Variants in ZNF43 observed in about 807,000 individuals in gnomAD.
ZNF43 encodes zinc finger protein 43.
Under a neutral mutation model 68.4 loss-of-function variants are expected in ZNF43, and 44 were observed. That is an observed-to-expected ratio of 0.64 (90% confidence interval 0.51 to 0.83). The LOEUF (loss-of-function observed/expected upper bound fraction) is 0.83, where lower values mean the gene tolerates loss of function less well. Among genes scored for constraint, ZNF43 ranks in the 40% least tolerant of loss-of-function variants. ZNF43 has a pLI of 0.00. For synonymous variants in ZNF43, 308 were observed against 307.8 expected (o/e 1.00, Z -0.01); for missense variants, 896 against 933.2 (o/e 0.96, Z 0.52).
intron 1 of ZNF43, 141 bp downstream of exon 1, chr19:21,835,895 C>A (rs1410595202): frequency 8.3e-6 from 12 of 1,437,654 alleles, no homozygotes; most frequent in Non-Finnish European, 1.1e-5. Flanking sequence ...CCCAGAGCAG[C>A]CGCCATCTTA....
intron 1 of ZNF43, among the ~76,000 whole-genome samples, chr19:21,834,401 TACAA>T (rs2038586205): frequency 6.6e-6 from 1 of 151,864 alleles, no homozygotes; most frequent in African/African-American, 2.4e-5. Flanking sequence ...TTTTATTTTT[TACAA>T]ACAGTGTAAG....
rs553964871 is a variant in ZNF43 at position 21,831,353 on chromosome 19, T to A, written c.3+4683A>T. 2.0e-5 allele frequency among the ~76,000 whole-genome samples: 3 copies of A among 152,262 alleles called. No individual in the cohort carries two copies. The East Asian group carries it at 5.8e-4, about 29-fold the overall frequency. On this transcript the variant is annotated intron_variant, in intron 1 of 3. Transcript: ENST00000354959. The stretch of plus-strand genomic sequence containing the variant: ...CCTATAGCCTCAGCAGAAAATTTTT[T>A]TTTTTTAATTTTTATTTTATTTTTT...
intron 1 of ZNF43, among the ~76,000 whole-genome samples, chr19:21,820,092 A>G (rs2037723671): frequency 6.6e-6 from 1 of 151,524 alleles, no homozygotes; most frequent in Non-Finnish European, 1.5e-5. Flanking sequence ...CCAGTTACTC[A>G]AGGGGCTGAG....
chr19:21,848,113 G>T (rs749993773), intron 1 of ZNF43, among the ~76,000 whole-genome samples: 19 of 151,644 alleles, frequency 1.3e-4, no homozygotes, highest in Non-Finnish European at 8.8e-5. Flanking sequence ...AGGCCACTGT[G>T]CCCGGCCTTA....
At chr19:21,844,921 A>AATATATATATATATATAT (rs1181354510) in intron 1 of ZNF43, among the ~76,000 whole-genome samples, 18 of 26,042 alleles carry the variant, frequency 6.9e-4, no homozygotes, top group African/African-American at 1.5e-3. Flanking sequence ...AAAAAAAAAA[A>AATATATATATATATATAT]ATATATATAT....
rs1331737139 is a variant in ZNF43, at chr19:21,836,175, CCAGAGA to C, written c.-143_-138del. The C allele has an allele frequency of 1.9e-6, 3 of 1,540,298 alleles. No homozygotes were observed. Among genetic ancestry groups the C allele is most frequent in the African/African-American group, 2.7e-5 (2 of 73,162 alleles). Reference sequence around the variant, plus strand: ...ACGAGACGCAGAGCTCCAACTGCAGCCAGAGACAAAGGCCCCGCCACATCCCGGAAG... The same window carrying C: ...ACGAGACGCAGAGCTCCAACTGCAGCCAAAGGCCCCGCCACATCCCGGAAG... On this transcript the variant is annotated 5_prime_UTR_variant, in exon 1 of 4. Coordinates refer to ENST00000354959, the MANE Select transcript of ZNF43 (RefSeq NM_003423.4).
intron 3 of ZNF43, among the ~76,000 whole-genome samples, chr19:21,814,218 C>T (rs2037412374): frequency 6.6e-6 from 1 of 151,836 alleles, no homozygotes; most frequent in Admixed American, 6.6e-5. Context: ...AGAAAATATA[C>T]ATTCATCATT....
chr19:21,838,655 C>T (rs1170469234), upstream of ZNF43, among the ~76,000 whole-genome samples: 5 of 152,162 alleles, frequency 3.3e-5, no homozygotes, highest in African/African-American at 9.7e-5. Flanking sequence ...CCGCCTTGGC[C>T]TCCCAACGTG....
intron 1 of ZNF43, among the ~76,000 whole-genome samples, chr19:21,828,731 T>G (rs553863320): frequency 3.6e-5 from 5 of 137,702 alleles, no homozygotes; most frequent in Non-Finnish European, 7.9e-5. Context: ...AAAAGTAAAT[T>G]TAAGGAAAAA....
chr19:21,831,114 T>C (rs2038404640), intron 1 of ZNF43, among the ~76,000 whole-genome samples: 1 of 152,142 alleles, frequency 6.6e-6, no homozygotes. Context: ...AATAATGAGT[T>C]ATCTGTCACA....
intron 1 of ZNF43, among the ~76,000 whole-genome samples, chr19:21,849,045 T>G (rs530095896): frequency 6.6e-6 from 1 of 152,288 alleles, no homozygotes; most frequent in South Asian, 2.1e-4. Context: ...TGCATGAGAT[T>G]CAGGACCTCA....
At position 21,806,606 on chromosome 19, in the gene ZNF43, G is replaced by C. The variant is rs1206034956; in HGVS notation, c.*1001C>G. On this transcript the variant is annotated 3_prime_UTR_variant, in exon 4 of 4. Transcript: ENST00000354959. ...TGTGAATATAGCAGGAATGAAAAAA[G>C]AGCATAAAGTTATTTGAGAGTTTAA... 1.3e-5 allele frequency: 2 copies of C among 152,096 alleles called. No homozygotes were observed. Among genetic ancestry groups the C allele is most frequent in the Non-Finnish European group, 2.9e-5 (2 of 68,000 alleles). 9.4% of individuals were successfully genotyped at this position (152,096 alleles called of 1,614,324 possible).
At chr19:21,849,109 G>C (rs1192483151) in intron 1 of ZNF43, among the ~76,000 whole-genome samples, 1 of 152,080 alleles carries the variant, frequency 6.6e-6, no homozygotes. Context: ...TGGTGGGGTG[G>C]GCAAAGAAGA....
At chr19:21,822,262 G>A (rs1182552537) in intron 1 of ZNF43, among the ~76,000 whole-genome samples, 3 of 152,278 alleles carry the variant, frequency 2.0e-5, no homozygotes, top group East Asian at 1.9e-4. Context: ...AACCCAAACA[G>A]AACAGGCCCT....
At chr19:21,825,266 A>AT (rs914091604) in intron 1 of ZNF43, among the ~76,000 whole-genome samples, 1 of 152,088 alleles carries the variant, frequency 6.6e-6, no homozygotes, top group African/African-American at 2.4e-5. Flanking sequence ...CAAAAAAAAA[A>AT]GTTGTCAGGA....
chr19:21,846,148 AG>A (rs1967938510), intron 1 of ZNF43, among the ~76,000 whole-genome samples: 1 of 152,204 alleles, frequency 6.6e-6, no homozygotes, highest in Admixed American at 6.5e-5. Flanking sequence ...CTCAGGAAGA[AG>A]ACAAGAGTCA....
intron 2 of ZNF43, among the ~76,000 whole-genome samples, chr19:21,818,695 C>T (rs908410989): frequency 1.1e-4 from 16 of 152,316 alleles, no homozygotes; most frequent in African/African-American, 3.6e-4. Flanking sequence ...ACCGGGATTA[C>T]AGGAGTAAGC....
upstream of ZNF43, chr19:21,840,315 A>G (rs988991438): frequency 6.5e-6 from 1 of 152,678 alleles, no homozygotes; most frequent in African/African-American, 2.4e-5. Context: ...GAGTCAAATC[A>G]CTCAGGTGCT....
At chr19:21,836,967 T>C (rs936741980), upstream of ZNF43, among the ~76,000 whole-genome samples, 1 of 152,202 alleles carries the variant, frequency 6.6e-6, no homozygotes, top group African/African-American at 2.4e-5. Flanking sequence ...TATGCACATG[T>C]TTTAAAAGCA....
Sources: gnomAD v4.1 joint callset for allele counts (sites outside exome capture counted in the v4.1 genomes callset) on GRCh38, gnomAD v4.1.1 for gene constraint, MANE v1.5 for transcripts, NCBI Gene and HGNC (gene_info 2026-07-23, HGNC 2026-07-21) for gene names.